The following PARD3B variants were observed in gnomAD, a reference collection of about 807,000 sequenced individuals.
The protein encoded by PARD3B is par-3 family cell polarity regulator beta.
PARD3B carries 103 observed loss-of-function variants against 130.2 expected under a neutral mutation model. The ratio of observed to expected loss-of-function variants is 0.79; its 90% CI spans 0.67 to 0.93. PARD3B has a LOEUF of 0.93. PARD3B is among the 40% of genes least tolerant of loss of function. The probability of loss-of-function intolerance (pLI) is 0.00; values close to 1 mark genes in which losing one functional copy is unlikely to be tolerated. For synonymous variants in PARD3B, 583 were observed against 553.2 expected (o/e 1.05, Z -0.76); for missense variants, 1,609 against 1,499.2 (o/e 1.07, Z -1.21).
At chr2:204,783,962 A>G (rs1420412983) in intron 2 of PARD3B, among the ~76,000 whole-genome samples, 3 of 151,866 alleles carry the variant, frequency 2.0e-5, no homozygotes, top group Admixed American at 6.6e-5. Flanking sequence ...TTCTTTACCT[A>G]TTGTAACAGT....
intron 22 of PARD3B, among the ~76,000 whole-genome samples, chr2:205,574,805 A>G (rs1249342592): frequency 6.6e-6 from 1 of 151,548 alleles, no homozygotes; most frequent in East Asian, 1.9e-4. Context: ...GAAAGAAGGT[A>G]AGGAGACATG....
At chr2:204,823,143 C>G (rs1412065915) in intron 2 of PARD3B, among the ~76,000 whole-genome samples, 1 of 151,962 alleles carries the variant, frequency 6.6e-6, no homozygotes, top group African/African-American at 2.4e-5. Context: ...ATCTTGTGCT[C>G]TTACTTTAAC....
chr2:204,720,441 A>G (rs1461176766), intron 2 of PARD3B, among the ~76,000 whole-genome samples: 1 of 152,218 alleles, frequency 6.6e-6, no homozygotes, highest in Admixed American at 6.5e-5. Context: ...TTGGAATCTA[A>G]GTGAAAACTG....
At chr2:205,515,225 A>T (rs1483256605) in intron 21 of PARD3B, among the ~76,000 whole-genome samples, 3 of 151,994 alleles carry the variant, frequency 2.0e-5, no homozygotes, top group African/African-American at 7.2e-5. Context: ...GTGCCACGTT[A>T]TCTTTATCCA....
At chr2:205,539,113 A>C (rs916754217) in intron 21 of PARD3B, among the ~76,000 whole-genome samples, 20 of 152,176 alleles carry the variant, frequency 1.3e-4, no homozygotes, top group African/African-American at 4.6e-4. Context: ...GAGACTCTTC[A>C]TGCAGTTTCC....
chr2:205,023,307 A>G (rs1298965132), intron 3 of PARD3B, among the ~76,000 whole-genome samples: 2 of 152,104 alleles, frequency 1.3e-5, no homozygotes, highest in Non-Finnish European at 1.5e-5. Context: ...TGTCGATTAA[A>G]ATAATAATTG....
At position 205,091,560 on chromosome 2, in the gene PARD3B, G is replaced by T. The variant is rs1272698042; in HGVS notation, c.505-12866G>T. ...CACAGAGCTATCACTATTTAAGGAT[G>T]TGTCTGCGAAAACATTTATCATCAT... On this transcript the variant is annotated intron_variant, in intron 4 of 22. Coordinates refer to ENST00000406610, the MANE Select transcript of PARD3B (RefSeq NM_001302769.2). This position sits in a 1 kb window ranked among gnomAD's most constrained non-coding sequence, Gnocchi z 4.2. Among the ~76,000 whole-genome samples the T allele has an allele frequency of 6.6e-6, 1 of 152,120 alleles. No individual in the cohort carries two copies. The highest frequency in any genetic ancestry group is 1.5e-5 in the Non-Finnish European group (1 of 68,026).
At chr2:205,583,407 G>A (rs573804769) in intron 22 of PARD3B, among the ~76,000 whole-genome samples, 22,702 of 93,328 alleles carry the variant, frequency 0.24, 1,882 homozygotes, top group East Asian at 0.45. Flanking sequence ...GTGTGCGCGC[G>A]CACGCGCGTG....
At chr2:205,056,260 G>C (rs528349684) in intron 4 of PARD3B, among the ~76,000 whole-genome samples, 40 of 151,964 alleles carry the variant, frequency 2.6e-4, no homozygotes, top group African/African-American at 9.4e-4. Context: ...TTTCAATTTG[G>C]TTTCTGCTTT....
rs149907781 is a variant in PARD3B, at chr2:204,751,048, C to G, written c.222+64766C>G. Among the ~76,000 whole-genome samples, 373 of 152,270 alleles carry G rather than the reference C, an allele frequency of 2.4e-3. 1 individual carries two copies. The highest frequency in any genetic ancestry group is 6.8e-3 in the Middle Eastern group (2 of 294). ...TGGAAAAGTTAATATTCATTTCTTT[C>G]CTGTCATCCTGTGAGCTTTATTAAA... On this transcript the variant is annotated intron_variant, in intron 2 of 22. Coordinates refer to ENST00000406610, the MANE Select transcript of PARD3B (RefSeq NM_001302769.2).
chr2:205,002,715 T>C (rs868622253), intron 3 of PARD3B, among the ~76,000 whole-genome samples: 4 of 152,144 alleles, frequency 2.6e-5, no homozygotes, highest in Non-Finnish European at 5.9e-5. Flanking sequence ...AAAATAGCCA[T>C]CAGATCAGGT....
chr2:204,992,258 G>C (rs1479195530), intron 3 of PARD3B, among the ~76,000 whole-genome samples: 1 of 142,940 alleles, frequency 7.0e-6, no homozygotes, highest in African/African-American at 2.6e-5. Flanking sequence ...TTTTGTATAA[G>C]GTGTAAGGAA....
Position 205,124,419 on chromosome 2 carries a change from G to A in PARD3B, c.1258G>A (p.Ala420Thr), listed in dbSNP as rs757330579. 1.9e-6 allele frequency: 3 copies of A among 1,605,500 alleles called. No individual in the cohort carries two copies. The South Asian group carries it at 3.4e-5, about 18-fold the overall frequency. Reference sequence around the variant, plus strand: ...TGTAAAAAACATTTTACCAAAGGGAGCAGCAATAAAAGATGGCCGCCTACA... The same window carrying A: ...TGTAAAAAACATTTTACCAAAGGGAACAGCAATAAAAGATGGCCGCCTACA... ...IFVKNILPKG[A>T]AIKDGRLQSG... The change falls in exon 9 of 23, where the codon GCA becomes ACA. Residue 420 changes from alanine (A) to threonine (T), a missense_variant. Coordinates refer to ENST00000406610, the MANE Select transcript of PARD3B (RefSeq NM_001302769.2).
In PARD3B at chr2:205,230,454, C is replaced by T. The variant is rs1458420544; in HGVS notation, c.2141-15324C>T. On this transcript the variant is annotated intron_variant, in intron 15 of 22. Coordinates refer to ENST00000406610, the MANE Select transcript of PARD3B (RefSeq NM_001302769.2). This position sits in a 1 kb window ranked among gnomAD's most constrained non-coding sequence, Gnocchi z 4.1. ...CAGGAGCTAAAGCCTAGAATGGGGG[C>T]CCCAGGACTCTGCCCAGTGCCCCCT... Among the ~76,000 whole-genome samples the T allele has an allele frequency of 6.6e-6, 1 of 152,112 alleles. No individual in the cohort carries two copies. Among genetic ancestry groups the T allele is most frequent in the Non-Finnish European group, 1.5e-5 (1 of 68,016 alleles).
intron 1 of PARD3B, among the ~76,000 whole-genome samples, chr2:204,676,948 G>A (rs542046612): frequency 3.9e-5 from 6 of 152,102 alleles, no homozygotes; most frequent in South Asian, 2.1e-4. Flanking sequence ...GATTACAGGC[G>A]TGAGCCACCG....
intron 2 of PARD3B, among the ~76,000 whole-genome samples, chr2:204,948,058 C>T (rs1302213332): frequency 1.3e-5 from 2 of 152,180 alleles, no homozygotes; most frequent in East Asian, 3.9e-4. Flanking sequence ...CTTAGGAATA[C>T]TTCCTGTTGT....
chr2:205,579,658 C>A (rs947796457), intron 22 of PARD3B, among the ~76,000 whole-genome samples: 19 of 152,176 alleles, frequency 1.2e-4, no homozygotes, highest in African/African-American at 4.6e-4. Flanking sequence ...GCCAACCTTG[C>A]CTGATTTAAG....
intron 4 of PARD3B, among the ~76,000 whole-genome samples, chr2:205,083,540 C>T (rs1448098307): frequency 6.6e-6 from 1 of 151,430 alleles, no homozygotes; most frequent in Admixed American, 6.6e-5. Context: ...ATTATTTGTG[C>T]CTCTTCTCTT....
chr2:204,954,602 G>T (rs1020440606), intron 2 of PARD3B, among the ~76,000 whole-genome samples: 3 of 152,112 alleles, frequency 2.0e-5, no homozygotes, highest in Admixed American at 6.5e-5. Flanking sequence ...TACCTTACCT[G>T]GCCTTGGGGG....
Sources: allele counts gnomAD v4.1 joint callset (sites outside exome capture counted in the v4.1 genomes callset), GRCh38; gene constraint gnomAD v4.1.1; non-coding constraint Gnocchi (gnomAD v3.1); transcripts MANE v1.5; gene names NCBI Gene and HGNC (gene_info 2026-07-23, HGNC 2026-07-21).